Variants in COL17A1 observed in about 807,000 individuals in gnomAD.
The protein encoded by COL17A1 is collagen type XVII alpha 1 chain.
In COL17A1, 181 loss-of-function variants were observed where a neutral mutation model predicts 218.4. The observed-to-expected ratio is 0.83, with a 90% confidence interval of 0.73 to 0.94. COL17A1 has a LOEUF of 0.94. COL17A1 is among the 40% of genes least tolerant of loss of function. The probability of loss-of-function intolerance (pLI) is 0.00; values close to 1 mark genes in which losing one functional copy is unlikely to be tolerated. For missense variants in COL17A1, 1,924 were observed against 1,945.9 expected (o/e 0.99, Z 0.21); for synonymous variants, 721 against 731.0 (o/e 0.99, Z 0.22).
intron 5 of COL17A1, 89 bp downstream of exon 5, chr10:104,076,212 A>G: frequency 6.2e-7 from 1 of 1,601,106 alleles, no homozygotes; most frequent in Non-Finnish European, 8.5e-7. Context: ...AAGGGCAGAC[A>G]CAGGTGGCCA....
Position 104,033,019 on chromosome 10 carries a change from T to G in COL17A1, c.4295-51A>C, listed in dbSNP as rs77323814. ...TTAGAGTCTTGATCACCTGGAAGCT[T>G]GGGACATCAAGTCATTTGTTCAGAG... On this transcript the variant is annotated intron_variant, in intron 53 of 55. Coordinates refer to ENST00000648076, the MANE Select transcript of COL17A1 (RefSeq NM_000494.4). 5.4e-4 allele frequency: 856 copies of G among 1,594,878 alleles called. 4 individuals carry two copies. In the African/African-American group the frequency reaches 0.01, roughly 19 times the overall value.
At chr10:104,082,582 G>A (rs372809011) in intron 1 of COL17A1, among the ~76,000 whole-genome samples, 4 of 152,064 alleles carry the variant, frequency 2.6e-5, no homozygotes, top group Non-Finnish European at 4.4e-5. Flanking sequence ...AACAATCCAC[G>A]GAAACTTTTA....
At chr10:104,075,984 T>G (rs1025815372) in intron 5 of COL17A1, among the ~76,000 whole-genome samples, 2 of 152,252 alleles carry the variant, frequency 1.3e-5, no homozygotes, top group Non-Finnish European at 2.9e-5. Flanking sequence ...TCTATTAGAC[T>G]ACAGGTCCTG....
At chr10:104,033,111 T>G in intron 53 of COL17A1, 127 bp downstream of exon 53, 1 of 1,517,854 alleles carries the variant, frequency 6.6e-7, no homozygotes, top group Non-Finnish European at 9.0e-7. Context: ...TTTATAGAAT[T>G]TGTCTAATTT....
rs528790702 is a variant in COL17A1, at chr10:104,048,710, G to T, written c.2228-606C>A. On this transcript the variant is annotated intron_variant, in intron 29 of 55. Transcript: ENST00000648076. Reference sequence around the variant, plus strand: ...CTTATCTCCCCTTGAGGGAGGTAAAGCATCTCATTTGCCTAGCACAGTGTC... The same window carrying T: ...CTTATCTCCCCTTGAGGGAGGTAAATCATCTCATTTGCCTAGCACAGTGTC... Among the ~76,000 whole-genome samples, 4 of 152,208 alleles carry T rather than the reference G, an allele frequency of 2.6e-5. No homozygotes were observed. The South Asian group carries it at 8.3e-4, about 32-fold the overall frequency.
intron 8 of COL17A1, 98 bp from the exon 9 acceptor site, chr10:104,070,667 G>A (rs551981168): frequency 1.9e-6 from 3 of 1,608,270 alleles, no homozygotes; most frequent in African/African-American, 2.7e-5. Flanking sequence ...GACTACTGGG[G>A]AGAATGGCAT....
In COL17A1 at chr10:104,054,264, C is replaced by A. The variant is rs953507746; in HGVS notation, c.1745-146G>T. 9.1e-5 allele frequency: 71 copies of A among 780,004 alleles called. No homozygotes were observed. In the African/African-American group the frequency reaches 1.0e-3, roughly 11 times the overall value. The allele number at this position is 780,004 out of a possible 1,614,324, so 48.3% of individuals were successfully genotyped here. On this transcript the variant is annotated intron_variant, in intron 20 of 55. Transcript: ENST00000648076. ...CAGTTACATTTGAATTGCAGATAAACAACACATAGTTTTAGTTATAAGTAT... is the reference window on the plus strand; with the variant it reads ...CAGTTACATTTGAATTGCAGATAAAAAACACATAGTTTTAGTTATAAGTAT...
In COL17A1 at chr10:104,041,016, G is replaced by A. The variant is rs74773043; in HGVS notation, c.2701+49C>T. The A allele has an allele frequency of 0.02, 32,799 of 1,607,240 alleles. 656 individuals are homozygous for A. The highest frequency in any genetic ancestry group is 0.082 in the Admixed American group (4,906 of 59,998). ...AGGCTACGGCCACAGTCTGTGGCAG[G>A]ACAAGGGCTGAGGTGGAGAACAGGT... On this transcript the variant is annotated intron_variant, in intron 39 of 55. Coordinates refer to ENST00000648076, the MANE Select transcript of COL17A1 (RefSeq NM_000494.4).
chr10:104,066,802 T>C (rs1439957817), intron 9 of COL17A1, among the ~76,000 whole-genome samples: 1 of 152,210 alleles, frequency 6.6e-6, no homozygotes, highest in Non-Finnish European at 1.5e-5. Flanking sequence ...AAGAAGGACA[T>C]TGAGAATTTC....
intron 2 of COL17A1, among the ~76,000 whole-genome samples, chr10:104,079,989 C>T (rs1313516480): frequency 6.6e-6 from 1 of 151,664 alleles, no homozygotes; most frequent in Non-Finnish European, 1.5e-5. Flanking sequence ...GAATAATAGT[C>T]CTTCAGCTTT....
At chr10:104,041,043 C>T (rs747920425) in intron 39 of COL17A1, 22 bp downstream of exon 39, 20 of 1,613,918 alleles carry the variant, frequency 1.2e-5, no homozygotes, top group East Asian at 1.1e-4. Flanking sequence ...AGAACAGGTG[C>T]GACTTGACTC....
At position 104,034,032 on chromosome 10, in the gene COL17A1, C is replaced by A. The variant is rs752711294; in HGVS notation, c.4069G>T (p.Ala1357Ser). The A allele has an allele frequency of 6.2e-7, 1 of 1,614,096 alleles. No homozygotes were observed. Among genetic ancestry groups the A allele is most frequent in the African/African-American group, 1.3e-5 (1 of 74,942 alleles). Residue 1357 changes from alanine (A) to serine (S), a missense_variant, in exon 52 of 56, where the codon GCT (alanine) becomes TCT (serine). Ala to Ser is a moderately conservative substitution (Grantham distance 99). Transcript: ENST00000648076. Reference protein sequence around the residue: ...YGAAAEGGMYAGNGGLLGADF... With the variant: ...YGAAAEGGMYSGNGGLLGADF... ...GCTCCCAATAGTCCGCCATTGCCAG[C>A]ATACATGCCGCCTTCTGCTGCTGCC...
rs1359103065 is a variant in COL17A1, at chr10:104,034,296, G to A, written c.3805C>T (p.Pro1269Ser). 1.3e-6 allele frequency: 2 copies of A among 1,577,714 alleles called. No homozygotes were observed. Among genetic ancestry groups the A allele is most frequent in the Non-Finnish European group, 1.7e-6 (2 of 1,165,716 alleles). Residue 1269 changes from proline to serine, a missense_variant, in exon 52 of 56, where the codon CCT becomes TCT. Coordinates refer to ENST00000648076, the MANE Select transcript of COL17A1 (RefSeq NM_000494.4). ...VRSFIVGPPGPPGPQGPPGDS... is the reference protein window; with the variant it reads ...VRSFIVGPPGSPGPQGPPGDS... ...CCAGGGGGTCCCTGCGGCCCAGGAGGGCCTGGGGGGCCAACAATGAAGCTG... is the reference window on the plus strand; with the variant it reads ...CCAGGGGGTCCCTGCGGCCCAGGAGAGCCTGGGGGGCCAACAATGAAGCTG...
At position 104,033,965 on chromosome 10, in the gene COL17A1, C is replaced by G. The variant is rs754724841; in HGVS notation, c.4136G>C (p.Arg1379Thr). Residue 1379 changes from arginine to threonine, a missense_variant, in exon 52 of 56, where the codon AGG becomes ACG. By Grantham distance (71) the Arg-to-Thr change is moderately conservative. Transcript: ENST00000648076. ...GDLDYNELAV[R>T]VSESMQRQGL... ...CTTACGCTGCATGCTCTCTGACACC[C>G]TCACAGCCAGCTCATTGTAATCCAG... The G allele has an allele frequency of 1.3e-5, 21 of 1,614,086 alleles. No individual in the cohort carries two copies. The highest frequency in any genetic ancestry group is 1.7e-5 in the Non-Finnish European group (20 of 1,180,046).
intron 45 of COL17A1, 140 bp from the exon 46 acceptor site, chr10:104,037,913 C>A: frequency 1.0e-6 from 1 of 991,066 alleles, no homozygotes; most frequent in Non-Finnish European, 1.5e-6. Context: ...GGAGCCTAGA[C>A]TTCCCCTCAC....
chr10:104,068,740 TG>T (rs2086646831), intron 9 of COL17A1, among the ~76,000 whole-genome samples: 1 of 152,234 alleles, frequency 6.6e-6, no homozygotes, highest in South Asian at 2.1e-4. Flanking sequence ...ATAGAAGCTG[TG>T]GGGAACAGGC....
intron 2 of COL17A1, 73 bp from the exon 3 acceptor site, chr10:104,078,659 C>G: frequency 6.3e-7 from 1 of 1,593,504 alleles, no homozygotes; most frequent in Non-Finnish European, 8.6e-7. Context: ...AAGGTCTAAG[C>G]TCTGTCACAG....
chr10:104,033,999 C>G lies in COL17A1; in HGVS notation c.4102G>C (p.Ala1368Pro). 1.9e-6 allele frequency: 3 copies of G among 1,614,206 alleles called. No individual in the cohort carries two copies. The highest frequency in any genetic ancestry group is 2.2e-5 in the South Asian group (2 of 91,088). ...GNGGLLGADF[A>P]GDLDYNELAV... is the part of the protein sequence containing the mutation. The stretch of plus-strand genomic sequence containing the variant: ...AGCTCATTGTAATCCAGATCTCCAG[C>G]AAAGTCAGCTCCCAATAGTCCGCCA... Residue 1368 changes from alanine (A) to proline (P), a missense_variant, in exon 52 of 56, where the codon GCT (alanine) becomes CCT (proline). Ala to Pro is a conservative substitution (Grantham distance 27). Transcript: ENST00000648076.
At position 104,034,191 on chromosome 10, in the gene COL17A1, C is replaced by G; in HGVS notation, c.3910G>C (p.Gly1304Arg). 1 of 1,613,354 alleles carries G rather than the reference C, an allele frequency of 6.2e-7. No individual in the cohort carries two copies. Among genetic ancestry groups the G allele is most frequent in the Non-Finnish European group, 8.5e-7 (1 of 1,179,950 alleles). ...CTCATGGAAGAGCTGTAGGAGCTGCCCCGCCTGACAGATGAGCTGTGTGAG... is the reference window on the plus strand; with the variant it reads ...CTCATGGAAGAGCTGTAGGAGCTGCGCCGCCTGACAGATGAGCTGTGTGAG... ...SSSHSSSVRR[G>R]SSYSSSMSTG... The change falls in exon 52 of 56, where the codon GGC (glycine) becomes CGC (arginine). Residue 1304 changes from glycine (G) to arginine (R), a missense_variant. By Grantham distance (125) the Gly-to-Arg change is moderately radical. Coordinates refer to ENST00000648076, the MANE Select transcript of COL17A1 (RefSeq NM_000494.4).
Sources: allele counts gnomAD v4.1 joint callset (sites outside exome capture counted in the v4.1 genomes callset), GRCh38; gene constraint gnomAD v4.1.1; transcripts MANE v1.5; gene names NCBI Gene and HGNC (gene_info 2026-07-23, HGNC 2026-07-21).